VPS13D: variants seen among roughly 807,000 people sequenced by gnomAD.
The protein encoded by VPS13D is vacuolar protein sorting 13 homolog D.
VPS13D carries 187 observed loss-of-function variants against 461.9 expected under a neutral mutation model. The ratio of observed to expected loss-of-function variants is 0.40; its 90% CI spans 0.36 to 0.46. The LOEUF is 0.46. Among genes scored for constraint, VPS13D ranks in the 20% least tolerant of loss-of-function variants. The pLI is 0.60. For missense variants in VPS13D, 4,711 were observed against 5,364.9 expected (o/e 0.88, Z 3.81); for synonymous variants, 1,951 against 1,986.3 (o/e 0.98, Z 0.47).
intron 18 of VPS13D, among the ~76,000 whole-genome samples, chr1:12,274,900 A>G (rs963059051): frequency 7.2e-5 from 11 of 152,076 alleles, no homozygotes; most frequent in Non-Finnish European, 1.5e-4. Flanking sequence ...CCTGGCCAAC[A>G]TGGTGAAACC....
intron 2 of VPS13D, among the ~76,000 whole-genome samples, chr1:12,234,845 A>G (rs2101174823): frequency 6.6e-6 from 1 of 152,358 alleles, no homozygotes; most frequent in African/African-American, 2.4e-5. Flanking sequence ...CTGCTGGCAT[A>G]TAGTAAGCAC....
chr1:12,363,577 A>T (rs1166595260), intron 52 of VPS13D, among the ~76,000 whole-genome samples: 1 of 152,228 alleles, frequency 6.6e-6, no homozygotes, highest in Non-Finnish European at 1.5e-5. Flanking sequence ...ACATATTTAT[A>T]CAAAACCTTC....
intron 67 of VPS13D, among the ~76,000 whole-genome samples, chr1:12,474,606 C>T (rs762738234): frequency 5.3e-5 from 8 of 152,154 alleles, no homozygotes; most frequent in Admixed American, 2.0e-4. Context: ...TTTTATTTCA[C>T]GATTTCTGCA....
At chr1:12,433,458 T>C (rs1027093440) in intron 65 of VPS13D, among the ~76,000 whole-genome samples, 1 of 152,256 alleles carries the variant, frequency 6.6e-6, no homozygotes, top group South Asian at 2.1e-4. Flanking sequence ...CAGAGCAAGA[T>C]TGCAAAGAGT....
chr1:12,295,459 G>C (rs1170876071), intron 24 of VPS13D, among the ~76,000 whole-genome samples: 6 of 151,968 alleles, frequency 3.9e-5, no homozygotes, highest in Admixed American at 1.3e-4. Flanking sequence ...GAGTGCTGTC[G>C]GTTTCCTGTG....
chr1:12,329,835 A>G lies in VPS13D; in HGVS notation c.8204A>G (p.Asn2735Ser). 1 of 1,614,010 alleles carries G rather than the reference A, an allele frequency of 6.2e-7. No individual in the cohort carries two copies. Among genetic ancestry groups the G allele is most frequent in the Non-Finnish European group, 8.5e-7 (1 of 1,179,956 alleles). Residue 2735 changes from asparagine (N) to serine (S), a missense_variant, in exon 37 of 70, where the codon AAT (asparagine) becomes AGT (serine). Coordinates refer to ENST00000620676, the MANE Select transcript of VPS13D (RefSeq NM_015378.4). ...AGGTTTGCTTTCATTGCAGGTCTGAATTTTCTTCAGCGTGTAAGAACTAGC... is the reference window on the plus strand; with the variant it reads ...AGGTTTGCTTTCATTGCAGGTCTGAGTTTTCTTCAGCGTGTAAGAACTAGC... ...PLAELTFSRLNFLQRVRTSPE... is the reference protein window; with the variant it reads ...PLAELTFSRLSFLQRVRTSPE...
Position 12,299,438 on chromosome 1 carries a change from T to C in VPS13D, c.6216+54T>C, listed in dbSNP as rs968536392. 1.3e-5 allele frequency: 20 copies of C among 1,532,056 alleles called. No individual in the cohort carries two copies. Among genetic ancestry groups the C allele is most frequent in the African/African-American group, 2.8e-5 (2 of 72,304 alleles). The allele number at this position is 1,532,056 out of a possible 1,614,324, so 94.9% of individuals were successfully genotyped here. On this transcript the variant is annotated intron_variant, in intron 25 of 69. Transcript: ENST00000620676. This position sits in a 1 kb window ranked among gnomAD's most constrained non-coding sequence, Gnocchi z 4.2. ...CGTTCAGCTAGTATTTGATCACTAA[T>C]TGAAAAATTTGTATGCTGCTGTAAG...
rs2101627068 is a variant in VPS13D, at chr1:12,369,610, T to C, written c.10716T>C (p.Ser3572=). The change falls in exon 54 of 70, where the codon TCT becomes TCC. Residue 3572 remains serine, a synonymous_variant. Coordinates refer to ENST00000620676, the MANE Select transcript of VPS13D (RefSeq NM_015378.4). ...ITLTVKGAGS[S]EINCNMNDFQ... is the part of the protein sequence containing the mutation. ...TGACTGTTAAAGGGGCAGGGTCCTC[T>C]GAGATCAACTGCAACATGAATGATT... The C allele has an allele frequency of 6.2e-7, 1 of 1,614,212 alleles. No homozygotes were observed. The highest frequency in any genetic ancestry group is 1.1e-5 in the South Asian group (1 of 91,078).
At chr1:12,310,386 C>CCT (rs1642699362) in intron 27 of VPS13D, among the ~76,000 whole-genome samples, 1 of 152,168 alleles carries the variant, frequency 6.6e-6, no homozygotes, top group African/African-American at 2.4e-5. Context: ...AAACACTAGC[C>CCT]CTCTCTATAC....
At chr1:12,230,479 C>T (rs1389968874) in intron 1 of VPS13D, among the ~76,000 whole-genome samples, 1 of 152,096 alleles carries the variant, frequency 6.6e-6, no homozygotes, top group Admixed American at 6.5e-5. Flanking sequence ...TTCCGGGGTC[C>T]CAGCAGCCTG....
chr1:12,307,917 A>G (rs1022121262), intron 26 of VPS13D, among the ~76,000 whole-genome samples: 2 of 152,166 alleles, frequency 1.3e-5, no homozygotes, highest in African/African-American at 4.8e-5. Context: ...GAGGGCTAGA[A>G]TGGAATTATG....
At chr1:12,317,403 G>T (rs1342819248) in intron 30 of VPS13D, among the ~76,000 whole-genome samples, 2 of 152,078 alleles carry the variant, frequency 1.3e-5, no homozygotes, top group African/African-American at 4.8e-5. Context: ...TTCAAAGCCT[G>T]TGCTCTTTAT....
At chr1:12,409,124 GTTTATT>G in intron 63 of VPS13D, among the ~76,000 whole-genome samples, 1 of 151,924 alleles carries the variant, frequency 6.6e-6, no homozygotes, top group African/African-American at 2.4e-5. Flanking sequence ...TACAAGAGCT[GTTTATT>G]TTTATGTTGT....
chr1:12,492,961 G>A (rs1178732875), intron 67 of VPS13D, among the ~76,000 whole-genome samples: 1 of 152,092 alleles, frequency 6.6e-6, no homozygotes, highest in Non-Finnish European at 1.5e-5. Context: ...AAAAAGAAAA[G>A]CACAGGAATG....
chr1:12,448,137 T>C (rs1645217538), intron 65 of VPS13D, among the ~76,000 whole-genome samples: 1 of 152,222 alleles, frequency 6.6e-6, no homozygotes, highest in African/African-American at 2.4e-5. Flanking sequence ...ACACTGATTC[T>C]AAAGAGAGTG....
At chr1:12,248,713 G>A (rs1341177865) in intron 5 of VPS13D, among the ~76,000 whole-genome samples, 1 of 152,130 alleles carries the variant, frequency 6.6e-6, no homozygotes, top group Non-Finnish European at 1.5e-5. Context: ...AGGGGCTAGG[G>A]GAAATACATA....
intron 47 of VPS13D, 136 bp downstream of exon 47, chr1:12,354,357 C>T (rs75977924): frequency 3.5e-6 from 4 of 1,137,080 alleles, no homozygotes; most frequent in African/African-American, 3.1e-5. Flanking sequence ...TCAAAGGAAT[C>T]AGTGCAGTTA....
At chr1:12,403,565 G>A (rs1226939766) in intron 62 of VPS13D, among the ~76,000 whole-genome samples, 1 of 152,190 alleles carries the variant, frequency 6.6e-6, no homozygotes, top group East Asian at 1.9e-4. Flanking sequence ...TTTTTCCAAA[G>A]ATGACATCTG....
chr1:12,363,484 T>G (rs1369194005), intron 52 of VPS13D, among the ~76,000 whole-genome samples: 1 of 152,228 alleles, frequency 6.6e-6, no homozygotes, highest in African/African-American at 2.4e-5. Context: ...AACACTGAGC[T>G]CATATTTTGA....
Sources: gnomAD v4.1 joint callset for allele counts (sites outside exome capture counted in the v4.1 genomes callset) on GRCh38, gnomAD v4.1.1 for gene constraint, Gnocchi (gnomAD v3.1) non-coding constraint, MANE v1.5 for transcripts, NCBI Gene and HGNC (gene_info 2026-07-23, HGNC 2026-07-21) for gene names.